Variants in APOC1 observed in about 807,000 individuals in gnomAD.
APOC1 encodes the protein apolipoprotein C-I.
APOC1 carries 4 observed loss-of-function variants against 6.7 expected under a neutral mutation model. That is an observed-to-expected ratio of 0.60 (90% confidence interval 0.29 to 1.37). The LOEUF is 1.37. Ranked by LOEUF, APOC1 falls within the 40% of genes most tolerant of loss-of-function variation. The probability of loss-of-function intolerance (pLI) is 0.09; values close to 1 mark genes in which losing one functional copy is unlikely to be tolerated. For synonymous variants in APOC1, 33 were observed against 40.6 expected, an observed-to-expected ratio of 0.81 and a Z score of 0.72; for missense variants, 122 against 99.4, an observed-to-expected ratio of 1.23 and a Z score of -0.97.
At position 44,914,712 on chromosome 19, in the gene APOC1, A is replaced by G; in HGVS notation, c.-42A>G. ...GCGGGCAGGACAGGACCTCCCAACC[A>G]AGCCCTCCAGCAAGGATTCAGGTTG... On this transcript the variant is annotated 5_prime_UTR_variant, in exon 1 of 4. Coordinates refer to ENST00000592535, the MANE Select transcript of APOC1 (RefSeq NM_001645.5). 1 of 614,490 alleles carries G rather than the reference A, an allele frequency of 1.6e-6. No individual in the cohort carries two copies. The highest frequency in any genetic ancestry group is 2.9e-6 in the Non-Finnish European group (1 of 344,360). 38.1% of individuals were successfully genotyped at this position (614,490 alleles called of 1,614,324 possible).
chr19:44,917,479 G>A (rs1187100812), intron 3 of APOC1, among the ~76,000 whole-genome samples: 1 of 152,142 alleles, frequency 6.6e-6, no homozygotes, highest in Non-Finnish European at 1.5e-5. Context: ...TTGGGAGGCT[G>A]AGGCGAGAGG....
Position 44,919,238 on chromosome 19 carries a change from A to G in APOC1, c.*8A>G. ...CTCAAGATTGACTCATGAGGACCTG[A>G]AGGGTGACATCCCAGGAGGGGCCTC... On this transcript the variant is annotated 3_prime_UTR_variant, in exon 4 of 4. Transcript: ENST00000592535. The G allele has an allele frequency of 6.2e-7, 1 of 1,613,524 alleles. No individual in the cohort carries two copies. The highest frequency in any genetic ancestry group is 8.5e-7 in the Non-Finnish European group (1 of 1,179,496).
intron 3 of APOC1, among the ~76,000 whole-genome samples, chr19:44,918,045 G>A (rs1043048058): frequency 1.1e-4 from 16 of 151,602 alleles, no homozygotes; most frequent in Non-Finnish European, 7.4e-5. Context: ...CTGAGCAGGC[G>A]GATCACGAGG....
upstream of APOC1, chr19:44,914,428 T>A (rs1969967115): frequency 6.4e-6 from 1 of 156,804 alleles, no homozygotes; most frequent in African/African-American, 2.4e-5. Flanking sequence ...TCCTGCTACA[T>A]TCTGAGTGGG....
At chr19:44,918,787 G>T (rs1327620963) in intron 3 of APOC1, 1 of 191,188 alleles carries the variant, frequency 5.2e-6, no homozygotes, top group African/African-American at 2.3e-5. Flanking sequence ...AGCCTCATGA[G>T]TACTTGGAAC....
intron 3 of APOC1, among the ~76,000 whole-genome samples, chr19:44,918,344 T>C (rs1599963716): frequency 6.7e-6 from 1 of 149,420 alleles, no homozygotes; most frequent in African/African-American, 2.4e-5. Flanking sequence ...TTTCTTTTTT[T>C]TTTTTTTTTT....
At chr19:44,918,342 T>C (rs1281460546) in intron 3 of APOC1, among the ~76,000 whole-genome samples, 20 of 149,268 alleles carry the variant, frequency 1.3e-4, no homozygotes, top group African/African-American at 4.4e-4. Context: ...TGTTTCTTTT[T>C]TTTTTTTTTT....
chr19:44,915,428 A>G (rs1020930958), intron 2 of APOC1, among the ~76,000 whole-genome samples: 3 of 146,180 alleles, frequency 2.1e-5, no homozygotes, highest in African/African-American at 7.7e-5. Flanking sequence ...GGTTCACGCC[A>G]TTCTCCTGCC....
chr19:44,918,569 A>AT (rs1771420528), intron 3 of APOC1, among the ~76,000 whole-genome samples: 1 of 151,512 alleles, frequency 6.6e-6, no homozygotes, highest in Non-Finnish European at 1.5e-5. Context: ...ACTTAGTAGA[A>AT]TTTTTTGTAT....
chr19:44,918,957 C>T, intron 3 of APOC1: 1 of 588,122 alleles, frequency 1.7e-6, no homozygotes. Context: ...AATGCCCAGC[C>T]AAGGGTAAAG....
chr19:44,918,337 C>CTTTTTTTTTTTTT (rs1200008263), intron 3 of APOC1, among the ~76,000 whole-genome samples: 2 of 90,330 alleles, frequency 2.2e-5, no homozygotes, highest in East Asian at 4.0e-4. Context: ...TGAAGTGTTT[C>CTTTTTTTTTTTTT]TTTTTTTTTT....
chr19:44,914,972 G>T, intron 2 of APOC1, 23 bp downstream of exon 2: 1 of 1,594,806 alleles, frequency 6.3e-7, no homozygotes, highest in South Asian at 1.1e-5. Flanking sequence ...TGGGAGAATT[G>T]CGGAGTTGGA....
chr19:44,915,976 A>G (rs1407674708), intron 2 of APOC1, among the ~76,000 whole-genome samples: 6 of 151,208 alleles, frequency 4.0e-5, no homozygotes, highest in Admixed American at 1.3e-4. Context: ...CTCAAAACAA[A>G]ACAAAACAAA....
At chr19:44,916,653 A>G (rs945941737) in intron 3 of APOC1, among the ~76,000 whole-genome samples, 1 of 151,558 alleles carries the variant, frequency 6.6e-6, no homozygotes, top group African/African-American at 2.4e-5. Context: ...CCTTGTCTCT[A>G]CTAAAAATAC....
At chr19:44,915,117 C>T in intron 2 of APOC1, 168 bp downstream of exon 2, 2 of 679,842 alleles carry the variant, frequency 2.9e-6, no homozygotes, top group South Asian at 1.7e-5. Context: ...GGCTCAGTCC[C>T]GCAGGCGCCA....
rs568159557 is a variant in APOC1 at position 44,918,254 on chromosome 19, C to T, written c.195-919C>T. On this transcript the variant is annotated intron_variant, in intron 3 of 3. Transcript: ENST00000592535. ...TTGCACTCCAGTCCAGGTGACAGAG[C>T]GAAACTCCATCTCAAAAAAAAAAGG... Among the ~76,000 whole-genome samples the T allele has an allele frequency of 7.5e-5, 11 of 146,582 alleles. No homozygotes were observed. In the East Asian group the frequency reaches 1.6e-3, roughly 21 times the overall value.
intron 3 of APOC1, among the ~76,000 whole-genome samples, chr19:44,918,337 C>CTTTT (rs1200008263): frequency 3.1e-4 from 28 of 90,264 alleles, no homozygotes; most frequent in South Asian, 8.4e-4. Flanking sequence ...TGAAGTGTTT[C>CTTTT]TTTTTTTTTT....
intron 2 of APOC1, 60 bp from the exon 3 acceptor site, chr19:44,916,130 C>T (rs1178743380): frequency 4.5e-6 from 3 of 669,288 alleles, no homozygotes; most frequent in Non-Finnish European, 6.2e-6. Context: ...GAGCAAGACT[C>T]CATCTCCAAA....
At chr19:44,915,164 T>G (rs1237819364) in intron 2 of APOC1, 1 of 593,868 alleles carries the variant, frequency 1.7e-6, no homozygotes, top group African/African-American at 1.9e-5. Context: ...CGATGACGTA[T>G]TGAGGCCCAC....
Sources: gnomAD v4.1 joint callset for allele counts (sites outside exome capture counted in the v4.1 genomes callset) on GRCh38, gnomAD v4.1.1 for gene constraint, MANE v1.5 for transcripts, NCBI Gene and HGNC (gene_info 2026-07-23, HGNC 2026-07-21) for gene names.